Variants in ARHGAP26 observed in about 807,000 individuals in gnomAD.
ARHGAP26 encodes rho GTPase-activating protein 26.
A neutral mutation model predicts 104.8 loss-of-function variants in ARHGAP26; 38 were observed. The observed-to-expected ratio is 0.36, with a 90% confidence interval of 0.28 to 0.48. ARHGAP26 has a LOEUF of 0.48. ARHGAP26 is among the 20% of genes least tolerant of loss of function. The pLI, the probability that ARHGAP26 is intolerant of heterozygous loss-of-function variation, is 0.99. For missense variants in ARHGAP26, 704 were observed against 947.9 expected, an observed-to-expected ratio of 0.74 and a Z score of 3.38; for synonymous variants, 341 against 340.0, an observed-to-expected ratio of 1.00 and a Z score of -0.03.
chr5:142,825,419 A>T (rs1209890243), intron 1 of ARHGAP26, among the ~76,000 whole-genome samples: 1 of 152,118 alleles, frequency 6.6e-6, no homozygotes. Flanking sequence ...CTCGAGGTGC[A>T]CATGGGGCTG....
chr5:142,825,705 A>C (rs1767107187), intron 1 of ARHGAP26, among the ~76,000 whole-genome samples: 1 of 152,216 alleles, frequency 6.6e-6, no homozygotes, highest in East Asian at 1.9e-4. Context: ...ACACTGACTC[A>C]AGGAAAAGGC....
At chr5:143,214,914 T>C (rs1810098911) in intron 22 of ARHGAP26, among the ~76,000 whole-genome samples, 1 of 152,204 alleles carries the variant, frequency 6.6e-6, no homozygotes, top group Non-Finnish European at 1.5e-5. Flanking sequence ...AAGCCTTTGC[T>C]CCATTAACTT....
At chr5:143,165,140 G>C (rs1599321408) in intron 20 of ARHGAP26, 1 of 152,344 alleles carries the variant, frequency 6.6e-6, no homozygotes, top group South Asian at 2.1e-4. Context: ...TCTTTTCAAG[G>C]TTGCTTTTTA....
chr5:142,936,835 A>AT (rs1562112783), intron 11 of ARHGAP26, among the ~76,000 whole-genome samples: 1 of 152,040 alleles, frequency 6.6e-6, no homozygotes. Flanking sequence ...AAAAAAAAAA[A>AT]AGCCTTGACT....
intron 17 of ARHGAP26, among the ~76,000 whole-genome samples, chr5:143,083,579 A>T (rs1337612050): frequency 6.6e-6 from 1 of 152,140 alleles, no homozygotes; most frequent in East Asian, 1.9e-4. Context: ...GCTCAATGCA[A>T]TCTCCGCCTC....
chr5:143,121,099 C>G lies in ARHGAP26; in HGVS notation c.1650C>G (p.Ile550Met), dbSNP rs148277580. The change falls in exon 18 of 23, where the codon ATC (isoleucine) becomes ATG (methionine). Residue 550 changes from isoleucine to methionine, a missense_variant. Ile to Met is a conservative substitution (Grantham distance 10). Around this residue, in one of 6 missense-constraint regions of ARHGAP26, gnomAD observed 287 missense variants for 438.8 expected, o/e 0.65. Coordinates refer to ENST00000645722, the MANE Select transcript of ARHGAP26 (RefSeq NM_001135608.3). ...QEETVAAIMD[I>M]KFQNIVIEIL... is the part of the protein sequence containing the mutation. ...AAACAGTAGCAGCCATCATGGACAT[C>G]AAATTTCAGAACATTGTCATTGAGA... The G allele has an allele frequency of 6.2e-7, 1 of 1,613,380 alleles. No homozygotes were observed. Among genetic ancestry groups the G allele is most frequent in the Non-Finnish European group, 8.5e-7 (1 of 1,179,498 alleles).
intron 1 of ARHGAP26, among the ~76,000 whole-genome samples, chr5:142,854,863 T>C (rs1471058211): frequency 6.6e-6 from 1 of 152,178 alleles, no homozygotes; most frequent in Non-Finnish European, 1.5e-5. Context: ...TGTATTTTTG[T>C]TTCATTGCAA....
At chr5:142,835,957 G>A (rs1361301957) in intron 1 of ARHGAP26, among the ~76,000 whole-genome samples, 3 of 152,144 alleles carry the variant, frequency 2.0e-5, no homozygotes, top group African/African-American at 7.2e-5. Flanking sequence ...ATTCAGGTAC[G>A]CAGAGTTGAA....
rs1469692413 is a variant in ARHGAP26, at chr5:143,225,042, A to G, written c.*2596A>G. ...GGGAAAACTCGAGAAGAAAGGGAGT[A>G]TACTAGTAGGTTAGATCTGTGAACC... On this transcript the variant is annotated 3_prime_UTR_variant, in exon 23 of 23. Coordinates refer to ENST00000645722, the MANE Select transcript of ARHGAP26 (RefSeq NM_001135608.3). The G allele has an allele frequency of 4.5e-6, 1 of 224,412 alleles. No homozygotes were observed. Among genetic ancestry groups the G allele is most frequent in the Non-Finnish European group, 8.9e-6 (1 of 112,534 alleles). The allele number at this position is 224,412 out of a possible 1,614,324, so 13.9% of individuals were successfully genotyped here.
chr5:143,166,726 A>G (rs1193579532), intron 20 of ARHGAP26, among the ~76,000 whole-genome samples: 1 of 152,172 alleles, frequency 6.6e-6, no homozygotes, highest in Non-Finnish European at 1.5e-5. Flanking sequence ...AGGGGATTCT[A>G]CAGTTTAATC....
chr5:142,956,587 A>G (rs1205487853), intron 11 of ARHGAP26, among the ~76,000 whole-genome samples: 1 of 152,168 alleles, frequency 6.6e-6, no homozygotes, highest in African/African-American at 2.4e-5. Context: ...AAAACAAAAC[A>G]AAATAAAAAA....
At chr5:143,127,145 C>T (rs1293880979) in intron 18 of ARHGAP26, among the ~76,000 whole-genome samples, 5 of 152,148 alleles carry the variant, frequency 3.3e-5, no homozygotes, top group Non-Finnish European at 5.9e-5. Context: ...ATCAAGAAAA[C>T]AAACTGCTTG....
intron 10 of ARHGAP26, among the ~76,000 whole-genome samples, chr5:142,929,555 A>G (rs1237076557): frequency 6.6e-6 from 1 of 152,184 alleles, no homozygotes; most frequent in East Asian, 1.9e-4. Flanking sequence ...AGACATGTGA[A>G]TCCGTCCCCT....
intron 19 of ARHGAP26, among the ~76,000 whole-genome samples, chr5:143,138,488 A>G (rs1265251594): frequency 6.6e-6 from 1 of 152,228 alleles, no homozygotes; most frequent in Non-Finnish European, 1.5e-5. Flanking sequence ...ATCTGTAGAC[A>G]GTCAAGGAAG....
intron 20 of ARHGAP26, among the ~76,000 whole-genome samples, chr5:143,181,827 C>T (rs1460803901): frequency 2.0e-5 from 3 of 152,050 alleles, no homozygotes; most frequent in East Asian, 1.9e-4. Context: ...GCAATGCCTC[C>T]GATTCAGGAA....
chr5:142,947,279 G>A (rs1373951620), intron 11 of ARHGAP26, among the ~76,000 whole-genome samples: 1 of 152,104 alleles, frequency 6.6e-6, no homozygotes. Context: ...CATTCTTGGG[G>A]TAAATTGATG....
At chr5:143,113,169 C>T (rs1442312883) in intron 17 of ARHGAP26, among the ~76,000 whole-genome samples, 1 of 152,164 alleles carries the variant, frequency 6.6e-6, no homozygotes, top group African/African-American at 2.4e-5. Flanking sequence ...TTTAGAATAC[C>T]TCTGCGTTAG....
At chr5:143,096,785 C>A (rs1792385880) in intron 17 of ARHGAP26, among the ~76,000 whole-genome samples, 1 of 151,594 alleles carries the variant, frequency 6.6e-6, no homozygotes, top group Non-Finnish European at 1.5e-5. Context: ...CATCACAGTT[C>A]AACTTATCTT....
intron 4 of ARHGAP26, among the ~76,000 whole-genome samples, chr5:142,881,333 C>G (rs931106806): frequency 1.3e-5 from 2 of 152,142 alleles, no homozygotes; most frequent in Non-Finnish European, 2.9e-5. Flanking sequence ...CCATGGTTAC[C>G]AAGGAGGTGA....
Sources: allele counts gnomAD v4.1 joint callset (sites outside exome capture counted in the v4.1 genomes callset), GRCh38; gene constraint gnomAD v4.1.1; regional missense constraint gnomAD v4.1.1; transcripts MANE v1.5; gene names NCBI Gene and HGNC (gene_info 2026-07-23, HGNC 2026-07-21).